ZBTB20: variants seen among roughly 807,000 people sequenced by gnomAD.
ZBTB20 encodes the protein zinc finger and BTB domain-containing protein 20.
In ZBTB20, 9 loss-of-function variants were observed where a neutral mutation model predicts 56.9. That is an observed-to-expected ratio of 0.16 (90% confidence interval 0.10 to 0.28). The LOEUF (loss-of-function observed/expected upper bound fraction) is 0.28. Ranked by LOEUF, ZBTB20 falls within the 10% of genes least tolerant of loss-of-function variation. ZBTB20 has a pLI of 1.00. For synonymous variants in ZBTB20, 417 were observed against 420.7 expected (o/e 0.99, Z 0.11); for missense variants, 655 against 1,003.0 (o/e 0.65, Z 4.69).
At chr3:114,481,862 A>G (rs2041592860) in intron 7 of ZBTB20, among the ~76,000 whole-genome samples, 1 of 152,216 alleles carries the variant, frequency 6.6e-6, no homozygotes, top group African/African-American at 2.4e-5. Context: ...CACAAAGGAA[A>G]TGTGGCTGGT....
intron 5 of ZBTB20, among the ~76,000 whole-genome samples, chr3:114,698,420 G>A (rs1229309072): frequency 1.3e-5 from 2 of 151,936 alleles, no homozygotes; most frequent in African/African-American, 4.8e-5. Flanking sequence ...CTTTTGTTTG[G>A]GTGGAATGCC....
chr3:114,413,563 G>C (rs1386814981), intron 7 of ZBTB20, among the ~76,000 whole-genome samples: 1 of 152,082 alleles, frequency 6.6e-6, no homozygotes, highest in Non-Finnish European at 1.5e-5. Flanking sequence ...AATGAATGCT[G>C]AACTGAAAGG....
intron 1 of ZBTB20, among the ~76,000 whole-genome samples, chr3:115,105,905 C>T (rs554727247): frequency 6.6e-6 from 1 of 152,154 alleles, no homozygotes; most frequent in Non-Finnish European, 1.5e-5. Context: ...GCAATCTTCG[C>T]CTCCCCAGTT....
At chr3:114,519,315 C>T (rs1216767643) in intron 6 of ZBTB20, among the ~76,000 whole-genome samples, 3 of 152,114 alleles carry the variant, frequency 2.0e-5, no homozygotes, top group East Asian at 3.8e-4. Context: ...CTCTTGTTTA[C>T]AAACTAGTCA....
At chr3:114,373,423 A>T (rs1170130784) in intron 10 of ZBTB20, among the ~76,000 whole-genome samples, 3 of 152,226 alleles carry the variant, frequency 2.0e-5, no homozygotes, top group Non-Finnish European at 1.5e-5. Context: ...AAAGTATAAG[A>T]AGGCCTCAGT....
chr3:114,781,301 T>C (rs1027383864), intron 5 of ZBTB20, among the ~76,000 whole-genome samples: 2 of 152,150 alleles, frequency 1.3e-5, no homozygotes, highest in African/African-American at 4.8e-5. Flanking sequence ...GAGGATGGAA[T>C]GCCATAAATT....
intron 6 of ZBTB20, among the ~76,000 whole-genome samples, chr3:114,671,595 A>T (rs1271946845): frequency 1.1e-4 from 16 of 145,756 alleles, no homozygotes; most frequent in African/African-American, 2.5e-4. Context: ...AATAAATGCC[A>T]TTTTTTTTTT....
At chr3:115,142,850 A>C (rs2084855722) in intron 1 of ZBTB20, among the ~76,000 whole-genome samples, 1 of 152,112 alleles carries the variant, frequency 6.6e-6, no homozygotes, top group South Asian at 2.1e-4. Context: ...TATGTTCCAA[A>C]TTAGCATAAA....
chr3:114,368,702 A>T (rs2082682409), intron 10 of ZBTB20, among the ~76,000 whole-genome samples: 1 of 152,246 alleles, frequency 6.6e-6, no homozygotes, highest in African/African-American at 2.4e-5. Flanking sequence ...CTCCAGGTCA[A>T]GAACTCCTGC....
At chr3:115,139,802 T>C (rs192249019) in intron 1 of ZBTB20, among the ~76,000 whole-genome samples, 5 of 152,208 alleles carry the variant, frequency 3.3e-5, no homozygotes, top group African/African-American at 9.6e-5. Flanking sequence ...AGTTTACAAA[T>C]TCTATTAGCA....
At chr3:114,681,184 G>A (rs1289903977) in intron 6 of ZBTB20, among the ~76,000 whole-genome samples, 1 of 145,218 alleles carries the variant, frequency 6.9e-6, no homozygotes, top group Non-Finnish European at 1.5e-5. Flanking sequence ...TTTTGAGACG[G>A]AGTCTCACTC....
chr3:114,546,976 A>T (rs191001393), intron 6 of ZBTB20, among the ~76,000 whole-genome samples: 35 of 152,326 alleles, frequency 2.3e-4, no homozygotes, highest in African/African-American at 7.7e-4. Flanking sequence ...TGGCTAACAT[A>T]GAGAAAGCAG....
At chr3:114,511,444 C>T (rs1467279229) in intron 6 of ZBTB20, among the ~76,000 whole-genome samples, 1 of 152,004 alleles carries the variant, frequency 6.6e-6, no homozygotes, top group Non-Finnish European at 1.5e-5. Flanking sequence ...CTGAATATCC[C>T]ATCTTAGGCA....
chr3:114,617,219 A>G (rs2058002550), intron 6 of ZBTB20, among the ~76,000 whole-genome samples: 1 of 152,174 alleles, frequency 6.6e-6, no homozygotes, highest in Non-Finnish European at 1.5e-5. Flanking sequence ...AGGGTCCAAC[A>G]TGATTGTTCC....
intron 6 of ZBTB20, among the ~76,000 whole-genome samples, chr3:114,686,106 A>G (rs1336361271): frequency 1.3e-5 from 2 of 152,176 alleles, no homozygotes; most frequent in Non-Finnish European, 2.9e-5. Flanking sequence ...CTCTCTTTAA[A>G]AAGACTGGAA....
rs996295262 is a variant in ZBTB20 at position 114,716,716 on chromosome 3, T to C, written c.-342-23141A>G. ...CAGCGTTGATTTTTCATGGGTTGTTTGAAATGCAATTTTACTAGTCTGGCA... is the reference window on the plus strand; with the variant it reads ...CAGCGTTGATTTTTCATGGGTTGTTCGAAATGCAATTTTACTAGTCTGGCA... On this transcript the variant is annotated intron_variant, in intron 5 of 11. Coordinates refer to ENST00000675478, the MANE Select transcript of ZBTB20 (RefSeq NM_001348800.3). 2.0e-5 allele frequency among the ~76,000 whole-genome samples: 3 copies of C among 152,292 alleles called. No individual in the cohort carries two copies. In the East Asian group the frequency reaches 5.8e-4, roughly 29 times the overall value.
rs554242091 is a variant in ZBTB20, at chr3:115,047,255, C to A, written c.-507+23964G>T. On this transcript the variant is annotated intron_variant, in intron 2 of 11. Coordinates refer to ENST00000675478, the MANE Select transcript of ZBTB20 (RefSeq NM_001348800.3). ...GTAATAAAAGTCATCTATTTTGTAC[C>A]AGAAAACAGTAAAATGGCAAAAACA... is the stretch of plus-strand genomic sequence containing the variant. Among the ~76,000 whole-genome samples the A allele has an allele frequency of 2.0e-5, 3 of 152,094 alleles. No homozygotes were observed. In the South Asian group the frequency reaches 6.2e-4, roughly 32 times the overall value.
chr3:114,837,713 C>T (rs925643182), intron 4 of ZBTB20, among the ~76,000 whole-genome samples: 12 of 152,202 alleles, frequency 7.9e-5, no homozygotes, highest in African/African-American at 2.6e-4. Context: ...TTGGAAGTGA[C>T]ATCCTATCAC....
At chr3:114,375,259 C>T (rs532365238) in intron 10 of ZBTB20, among the ~76,000 whole-genome samples, 6 of 152,298 alleles carry the variant, frequency 3.9e-5, no homozygotes, top group African/African-American at 1.2e-4. Flanking sequence ...CTCAAGCATT[C>T]GCATTTTTAA....
Sources: allele counts gnomAD v4.1 joint callset (sites outside exome capture counted in the v4.1 genomes callset), GRCh38; gene constraint gnomAD v4.1.1; transcripts MANE v1.5; gene names NCBI Gene and HGNC (gene_info 2026-07-23, HGNC 2026-07-21).